ARHGEF2: variants seen among roughly 807,000 people sequenced by gnomAD.
ARHGEF2 encodes Rho/Rac guanine nucleotide exchange factor 2.
A neutral mutation model predicts 121.0 loss-of-function variants in ARHGEF2; 22 were observed. The observed-to-expected ratio is 0.18, with a 90% CI of 0.13 to 0.26. ARHGEF2 has a LOEUF of 0.26. Among genes scored for constraint, ARHGEF2 ranks in the 10% least tolerant of loss-of-function variants. The probability of loss-of-function intolerance (pLI) is 1.00; values close to 1 mark genes in which losing one functional copy is unlikely to be tolerated. For missense variants in ARHGEF2, 907 were observed against 1,336.0 expected (o/e 0.68, Z 5.01); for synonymous variants, 487 against 530.0 (o/e 0.92, Z 1.11).
chr1:155,978,984 C>G (rs756271138), upstream of ARHGEF2: 19 of 985,578 alleles, frequency 1.9e-5, no homozygotes, highest in Non-Finnish European at 2.2e-5. This position sits in a 1 kb window ranked among gnomAD's most constrained non-coding sequence, Gnocchi z 4.1. Flanking sequence ...AGGACCAGTT[C>G]CTTCCTGGCC....
intron 1 of ARHGEF2, among the ~76,000 whole-genome samples, chr1:155,973,511 C>T (rs796827636): frequency 2.0e-4 from 31 of 152,202 alleles, no homozygotes; most frequent in African/African-American, 7.5e-4. Flanking sequence ...TTTGAGAGGC[C>T]GAGGCGGGCA....
rs1033960676 is a variant in ARHGEF2, at chr1:155,947,879, C to G, written c.*63G>C. On this transcript the variant is annotated 3_prime_UTR_variant, in exon 22 of 22. Coordinates refer to ENST00000361247, the MANE Select transcript of ARHGEF2 (RefSeq NM_001162383.2). ...CCCTCATCATTGGCAAATTGGAGTC[C>G]CCAAGGTTAGCCCCCTCAGTAATGT... The G allele has an allele frequency of 7.7e-6, 8 of 1,036,148 alleles. No individual in the cohort carries two copies. The African/African-American group carries it at 1.3e-4, about 17-fold the overall frequency. The allele number at this position is 1,036,148 out of a possible 1,614,324, so 64.2% of individuals were successfully genotyped here. A position where few individuals can be genotyped will look rare whatever the true frequency, so the allele number is the denominator to read the frequency against.
intron 2 of ARHGEF2, among the ~76,000 whole-genome samples, 195 bp from the exon 3 acceptor site, chr1:155,967,082 A>AG (rs1439020081): frequency 2.0e-5 from 3 of 151,928 alleles, no homozygotes; most frequent in Non-Finnish European, 4.4e-5. Flanking sequence ...AAATGAAGTG[A>AG]GGGGGGTATA....
upstream of ARHGEF2, chr1:155,978,878 C>G: frequency 1.0e-6 from 1 of 988,246 alleles, no homozygotes; most frequent in Non-Finnish European, 1.2e-6. This position sits in a 1 kb window ranked among gnomAD's most constrained non-coding sequence, Gnocchi z 4.1. Context: ...CCCTTCTCCC[C>G]TCGCCCTCCC....
intron 14 of ARHGEF2, among the ~76,000 whole-genome samples, chr1:155,953,418 C>A (rs746528725): frequency 5.9e-5 from 9 of 152,148 alleles, no homozygotes; most frequent in African/African-American, 9.7e-5. Flanking sequence ...CTGACTTGCA[C>A]GTGACTATAT....
At position 155,952,091 on chromosome 1, in the gene ARHGEF2, C is replaced by T. The variant is rs779113790; in HGVS notation, c.2104+25G>A. 7 of 1,614,166 alleles carry T rather than the reference C, an allele frequency of 4.3e-6. No individual in the cohort carries two copies. In the Admixed American group the frequency reaches 1.2e-4, roughly 27 times the overall value. ...AACTTTGGCCCCTCCCACCTACTACCTTGGTCCCCTGCCCTGGTACTCACT... is the reference window on the plus strand; with the variant it reads ...AACTTTGGCCCCTCCCACCTACTACTTTGGTCCCCTGCCCTGGTACTCACT... On this transcript the variant is annotated intron_variant, in intron 16 of 21. Transcript: ENST00000361247.
chr1:155,964,904 AAAAAAG>A (rs1215946916), intron 7 of ARHGEF2, 78 bp downstream of exon 7: 1 of 1,485,012 alleles, frequency 6.7e-7, no homozygotes, highest in African/African-American at 1.4e-5. Flanking sequence ...AAAAAAAAAA[AAAAAAG>A]AAAAAGAAAA....
chr1:155,949,750 G>A (rs998305981), intron 21 of ARHGEF2, among the ~76,000 whole-genome samples: 6 of 151,790 alleles, frequency 4.0e-5, no homozygotes, highest in Non-Finnish European at 7.4e-5. Flanking sequence ...GGCGGTGGGC[G>A]CCTGTAATCC....
At chr1:155,952,902 G>T in intron 14 of ARHGEF2, 74 bp from the exon 15 acceptor site, 1 of 1,422,160 alleles carries the variant, frequency 7.0e-7, no homozygotes, top group South Asian at 1.2e-5. Context: ...GACAGCCCTA[G>T]GGGAGAGGGG....
In ARHGEF2 at chr1:155,950,579, G is replaced by T; in HGVS notation, c.2704-97C>A. 7.5e-7 allele frequency: 1 copy of T among 1,337,190 alleles called. No homozygotes were observed. The highest frequency in any genetic ancestry group is 1.0e-6 in the Non-Finnish European group (1 of 954,490). 82.8% of individuals were successfully genotyped at this position (1,337,190 alleles called of 1,614,324 possible). On this transcript the variant is annotated intron_variant, in intron 20 of 21. Transcript: ENST00000361247. This position sits in a 1 kb window ranked among gnomAD's most constrained non-coding sequence, Gnocchi z 5.2. ...TGAAGGCAGCAGCTCTCCCCCCTGGGGCTCACCCATGAGTCCCCTTCAGGA... is the reference window on the plus strand; with the variant it reads ...TGAAGGCAGCAGCTCTCCCCCCTGGTGCTCACCCATGAGTCCCCTTCAGGA...
chr1:155,961,375 C>T lies in ARHGEF2; in HGVS notation c.1468+286G>A, dbSNP rs568091672. 5.9e-5 allele frequency among the ~76,000 whole-genome samples: 9 copies of T among 151,436 alleles called. No homozygotes were observed. In the East Asian group the frequency reaches 1.4e-3, roughly 23 times the overall value. Reference sequence around the variant, plus strand: ...CTGCAAGCTCCGCCTCCTGGGTTCACGCCATTCTCCTGCCTCAGCCTCCTG... The same window carrying T: ...CTGCAAGCTCCGCCTCCTGGGTTCATGCCATTCTCCTGCCTCAGCCTCCTG... On this transcript the variant is annotated intron_variant, in intron 11 of 21. Transcript: ENST00000361247. This position sits in a 1 kb window ranked among gnomAD's most constrained non-coding sequence, Gnocchi z 4.7.
intron 14 of ARHGEF2, among the ~76,000 whole-genome samples, chr1:155,954,280 TTC>T (rs1261554492): frequency 8.8e-6 from 1 of 114,004 alleles, no homozygotes; most frequent in Non-Finnish European, 2.1e-5. Context: ...GCCAATCTAC[TTC>T]TTTTTTTTTT....
chr1:155,978,391 C>G lies in ARHGEF2; in HGVS notation c.37G>C (p.Asp13His), dbSNP rs1056478574. 2.6e-6 allele frequency: 4 copies of G among 1,518,096 alleles called. No homozygotes were observed. Among genetic ancestry groups the G allele is most frequent in the Non-Finnish European group, 3.6e-6 (4 of 1,123,898 alleles). The allele number at this position is 1,518,096 out of a possible 1,614,324, so 94.0% of individuals were successfully genotyped here. A position where few individuals can be genotyped will look rare whatever the true frequency, so the allele number is the denominator to read the frequency against. Reference sequence around the variant, plus strand: ...TTGCTCGCCAGCTCTCTGCTCCGGTCGATCCGCGCCCGCGTGAGGGATTCG... The same window carrying G: ...TTGCTCGCCAGCTCTCTGCTCCGGTGGATCCGCGCCCGCGTGAGGGATTCG... ...RIESLTRARI[D>H]RSRELASKTR... is the part of the protein sequence containing the mutation. Residue 13 changes from aspartate to histidine, a missense_variant, in exon 1 of 22, where the codon GAC (aspartate) becomes CAC (histidine). Around this residue, in one of 2 missense-constraint regions of ARHGEF2, gnomAD observed 475 missense variants for 776.5 expected, o/e 0.61. Coordinates refer to ENST00000361247, the MANE Select transcript of ARHGEF2 (RefSeq NM_001162383.2). This position sits in a 1 kb window ranked among gnomAD's most constrained non-coding sequence, Gnocchi z 4.1.
chr1:155,951,734 A>C lies in ARHGEF2; in HGVS notation c.2208+7T>G. ...TCAGTCTCCTATACCATCAATTCCC[A>C]TCTCACCTCTTGCGGTGATCTCAGC... On this transcript the variant is annotated splice_region_variant and intron_variant, in intron 18 of 21. Coordinates refer to ENST00000361247, the MANE Select transcript of ARHGEF2 (RefSeq NM_001162383.2). The surrounding 1 kb of genome is among the most constrained non-coding windows in gnomAD (Gnocchi z 5.1). 1 of 1,613,832 alleles carries C rather than the reference A, an allele frequency of 6.2e-7. No individual in the cohort carries two copies. The highest frequency in any genetic ancestry group is 8.5e-7 in the Non-Finnish European group (1 of 1,179,954).
chr1:155,979,598 G>A (rs776365592), upstream of ARHGEF2, among the ~76,000 whole-genome samples: 2 of 152,222 alleles, frequency 1.3e-5, no homozygotes, highest in Non-Finnish European at 2.9e-5. Flanking sequence ...CCTTCGGTTA[G>A]CAGGGTCCTG....
Position 155,950,723 on chromosome 1 carries a change from T to C in ARHGEF2, c.2703+106A>G, listed in dbSNP as rs59462722. 7.8e-4 allele frequency: 929 copies of C among 1,187,368 alleles called. 5 individuals are homozygous for C. The African/African-American group carries it at 0.013, about 16-fold the overall frequency. The allele number at this position is 1,187,368 out of a possible 1,614,324, so 73.6% of individuals were successfully genotyped here. On this transcript the variant is annotated intron_variant, in intron 20 of 21. Coordinates refer to ENST00000361247, the MANE Select transcript of ARHGEF2 (RefSeq NM_001162383.2). This position sits in a 1 kb window ranked among gnomAD's most constrained non-coding sequence, Gnocchi z 5.2. ...AGTATCTCAATATCCTTCAAGTCAGTTGACTGATTGCATTTGGGCTCAAAT... is the reference window on the plus strand; with the variant it reads ...AGTATCTCAATATCCTTCAAGTCAGCTGACTGATTGCATTTGGGCTCAAAT...
chr1:155,951,210 C>T lies in ARHGEF2; in HGVS notation c.2322G>A (p.Arg774=), dbSNP rs1379106837. Residue 774 remains arginine, a synonymous_variant, in exon 20 of 22, where the codon CGG becomes CGA. Coordinates refer to ENST00000361247, the MANE Select transcript of ARHGEF2 (RefSeq NM_001162383.2). The surrounding 1 kb of genome is among the most constrained non-coding windows in gnomAD (Gnocchi z 5.1). ...GAGAGTTGGCTCGGCACAGCTTCTC[C>T]CGCCGCTCAGGGCCCTCAGGGAACC... ...EARFPEGPER[R]EKLCRANSRD... 6.2e-7 allele frequency: 1 copy of T among 1,611,330 alleles called. No individual in the cohort carries two copies. The highest frequency in any genetic ancestry group is 8.5e-7 in the Non-Finnish European group (1 of 1,179,504).
At chr1:155,964,167 AATATATATATAT>A (rs869033599) in intron 7 of ARHGEF2, among the ~76,000 whole-genome samples, 22 of 91,218 alleles carry the variant, frequency 2.4e-4, no homozygotes, top group African/African-American at 1.2e-3. Flanking sequence ...AAAAAAAAAA[AATATATATATAT>A]ATATATATAT....
At chr1:155,972,231 C>T (rs997693477) in intron 1 of ARHGEF2, 9 of 466,954 alleles carry the variant, frequency 1.9e-5, no homozygotes, top group African/African-American at 1.4e-4. Context: ...CTGGGCCCTG[C>T]CTCCTCCACC....
Sources: gnomAD v4.1 joint callset for allele counts (sites outside exome capture counted in the v4.1 genomes callset) on GRCh38, gnomAD v4.1.1 for gene constraint, gnomAD v4.1.1 regional missense constraint, Gnocchi (gnomAD v3.1) non-coding constraint, MANE v1.5 for transcripts, NCBI Gene and HGNC (gene_info 2026-07-23, HGNC 2026-07-21) for gene names.